SLC5A4: variants seen among roughly 807,000 people sequenced by gnomAD.
SLC5A4 encodes the protein solute carrier family 5 member 4.
Under a neutral mutation model 70.3 loss-of-function variants are expected in SLC5A4, and 55 were observed. The ratio of observed to expected loss-of-function variants is 0.78; its 90% CI spans 0.63 to 0.98. The LOEUF is 0.98. Among genes scored for constraint, SLC5A4 ranks in the 50% least tolerant of loss-of-function variants. The pLI, the probability that SLC5A4 is intolerant of heterozygous loss-of-function variation, is 0.00. For synonymous variants in SLC5A4, 268 were observed against 305.7 expected, an observed-to-expected ratio of 0.88 and a Z score of 1.29; for missense variants, 735 against 839.2, an observed-to-expected ratio of 0.88 and a Z score of 1.53.
chr22:32,351,995 C>A, the SLC5A4 span, among the ~76,000 whole-genome samples: 1 of 151,570 alleles, frequency 6.6e-6, no homozygotes, highest in African/African-American at 2.4e-5. Flanking sequence ...ATCAAGGAGA[C>A]CTATTATACA....
chr22:32,311,744 A>G, the SLC5A4 span, among the ~76,000 whole-genome samples: 2 of 151,902 alleles, frequency 1.3e-5, no homozygotes, highest in Non-Finnish European at 2.9e-5. Flanking sequence ...CCTGGCGCAC[A>G]GCAGGTGCTT....
chr22:32,249,036 G>A, intron 3 of SLC5A4, among the ~76,000 whole-genome samples: 1 of 152,026 alleles, frequency 6.6e-6, no homozygotes, highest in Non-Finnish European at 1.5e-5. Context: ...AGAAGATAAG[G>A]GATCTGATCC....
At chr22:32,325,345 G>A in the SLC5A4 span, among the ~76,000 whole-genome samples, 8 of 152,358 alleles carry the variant, frequency 5.3e-5, no homozygotes, top group Admixed American at 3.9e-4. Flanking sequence ...GTGTCTAGCA[G>A]TCTTGGGGCC....
At chr22:32,353,422 G>A in the SLC5A4 span, among the ~76,000 whole-genome samples, 2 of 152,074 alleles carry the variant, frequency 1.3e-5, no homozygotes, top group East Asian at 3.9e-4. Context: ...TGGGAACCAC[G>A]GCTGGTCTAG....
chr22:32,229,360 G>A lies in SLC5A4; in HGVS notation c.1130-16C>T, dbSNP rs188087739. The stretch of plus-strand genomic sequence containing the variant: ...CCTCGCAGTCCTGGAGCCGGGAAAG[G>A]GTACAAGCACTGGTTAGTGGCTGGA... On this transcript the variant is annotated splice_polypyrimidine_tract_variant and intron_variant, in intron 10 of 14. Transcript: ENST00000266086. The A allele has an allele frequency of 2.7e-3, 4,431 of 1,613,336 alleles. 7 individuals are homozygous for A. The highest frequency in any genetic ancestry group is 3.4e-3 in the Non-Finnish European group (3,952 of 1,179,446).
At chr22:32,310,140 C>A in the SLC5A4 span, among the ~76,000 whole-genome samples, 7 of 151,996 alleles carry the variant, frequency 4.6e-5, no homozygotes, top group African/African-American at 1.7e-4. Context: ...GGGATGCTTA[C>A]GTGAACTCCA....
At chr22:32,324,068 T>C in the SLC5A4 span, among the ~76,000 whole-genome samples, 1 of 152,142 alleles carries the variant, frequency 6.6e-6, no homozygotes, top group Non-Finnish European at 1.5e-5. Flanking sequence ...CGTTTGGGAA[T>C]GACAAGCACC....
chr22:32,318,321 A>C, the SLC5A4 span, among the ~76,000 whole-genome samples: 3,905 of 151,982 alleles, frequency 0.026, 136 homozygotes, highest in African/African-American at 0.088. Context: ...ACTCTCATCT[A>C]AACTCCATTC....
chr22:32,317,274 G>A, the SLC5A4 span, among the ~76,000 whole-genome samples: 1 of 151,926 alleles, frequency 6.6e-6, no homozygotes, highest in Non-Finnish European at 1.5e-5. Context: ...ATGCTAAGAG[G>A]AACATATATA....
chr22:32,253,940 G>A (rs907644126), intron 2 of SLC5A4, among the ~76,000 whole-genome samples: 2 of 152,002 alleles, frequency 1.3e-5, no homozygotes, highest in African/African-American at 4.8e-5. Context: ...ACACCACCAC[G>A]TCCAGCTAAT....
chr22:32,297,288 T>G, the SLC5A4 span, among the ~76,000 whole-genome samples: 1 of 149,100 alleles, frequency 6.7e-6, no homozygotes, highest in East Asian at 2.0e-4. Flanking sequence ...GGTCCTGGAC[T>G]CTTTTTGGTT....
intron 11 of SLC5A4, among the ~76,000 whole-genome samples, chr22:32,227,151 A>T (rs1441392739): frequency 2.0e-5 from 3 of 152,208 alleles, no homozygotes; most frequent in African/African-American, 7.2e-5. Context: ...CAAGAATTTT[A>T]AAAACGTACA....
chr22:32,287,585 C>CT, the SLC5A4 span, among the ~76,000 whole-genome samples: 1 of 151,972 alleles, frequency 6.6e-6, no homozygotes, highest in Non-Finnish European at 1.5e-5. Context: ...AGGTGTAGAC[C>CT]TGATGGAGGG....
chr22:32,235,860 A>C (rs1245573754), intron 7 of SLC5A4, among the ~76,000 whole-genome samples: 1 of 152,234 alleles, frequency 6.6e-6, no homozygotes, highest in Non-Finnish European at 1.5e-5. Context: ...AAGGACTACT[A>C]TGCGCCAAAC....
the SLC5A4 span, among the ~76,000 whole-genome samples, chr22:32,312,358 C>T: frequency 3.3e-4 from 30 of 91,266 alleles, no homozygotes; most frequent in South Asian, 2.7e-3. Context: ...AAATCACACG[C>T]GCGCGCGCAC....
the SLC5A4 span, among the ~76,000 whole-genome samples, chr22:32,324,276 T>C: frequency 1.5e-5 from 2 of 137,176 alleles, no homozygotes; most frequent in African/African-American, 2.5e-5. Context: ...TGTATATATA[T>C]ATACACACAT....
the SLC5A4 span, among the ~76,000 whole-genome samples, chr22:32,328,250 A>T: frequency 6.6e-6 from 1 of 152,136 alleles, no homozygotes. Context: ...GGCCTGTGGT[A>T]TGCAGCCCTA....
At chr22:32,261,055 A>G in the SLC5A4 span, among the ~76,000 whole-genome samples, 15 of 147,782 alleles carry the variant, frequency 1.0e-4, no homozygotes, top group African/African-American at 3.2e-4. Flanking sequence ...CCTGGGTGAC[A>G]GGGCAAAAAA....
At chr22:32,294,197 G>A in the SLC5A4 span, among the ~76,000 whole-genome samples, 3 of 152,064 alleles carry the variant, frequency 2.0e-5, no homozygotes, top group African/African-American at 7.2e-5. Context: ...AATTGTATTT[G>A]TTACATATCT....
Sources: allele counts gnomAD v4.1 joint callset (sites outside exome capture counted in the v4.1 genomes callset), GRCh38; gene constraint gnomAD v4.1.1; transcripts MANE v1.5; gene names NCBI Gene and HGNC (gene_info 2026-07-23, HGNC 2026-07-21).